Variants in GRK7 observed in about 807,000 individuals in gnomAD.
GRK7 encodes rhodopsin kinase GRK7.
A neutral mutation model predicts 34.1 loss-of-function variants in GRK7; 24 were observed. That is an observed-to-expected ratio of 0.70 (90% CI 0.51 to 0.99). The LOEUF (loss-of-function observed/expected upper bound fraction) is 0.99. Among genes scored for constraint, GRK7 ranks in the 50% least tolerant of loss-of-function variants. The pLI, the probability that GRK7 is intolerant of heterozygous loss-of-function variation, is 0.00. For missense variants in GRK7, 644 were observed against 707.3 expected (o/e 0.91, Z 1.02); for synonymous variants, 256 against 279.4 (o/e 0.92, Z 0.84).
chr3:141,805,463 G>T (rs1226984367), intron 4 of GRK7, among the ~76,000 whole-genome samples: 1 of 152,184 alleles, frequency 6.6e-6, no homozygotes, highest in Admixed American at 6.5e-5. Flanking sequence ...GGACCCTTTT[G>T]TCTGGACAAA....
rs1230127911 is a variant in GRK7 at position 141,817,015 on chromosome 3, A to G, written c.1627A>G (p.Asn543Asp). The G allele has an allele frequency of 1.2e-6, 2 of 1,610,716 alleles. No individual in the cohort carries two copies. The highest frequency in any genetic ancestry group is 1.1e-5 in the South Asian group (1 of 90,522). ...CAGACCTACGGGTTGTGAGGAGGGTAATTCATCCAAGTCTGGCGTGTGTTT... is the reference window on the plus strand; with the variant it reads ...CAGACCTACGGGTTGTGAGGAGGGTGATTCATCCAAGTCTGGCGTGTGTTT... ...PNRPTGCEEG[N>D]SSKSGVCLLL is the part of the protein sequence containing the mutation. Residue 543 changes from asparagine to aspartate, a missense_variant, in exon 6 of 6, where the codon AAT (asparagine) becomes GAT (aspartate). Coordinates refer to ENST00000682958, the MANE Select transcript of GRK7 (RefSeq NM_139209.3).
At position 141,778,944 on chromosome 3, in the gene GRK7, A is replaced by G. The variant is rs1466331726; in HGVS notation, c.612+48A>G. 1 of 1,523,918 alleles carries G rather than the reference A, an allele frequency of 6.6e-7. No individual in the cohort carries two copies. The highest frequency in any genetic ancestry group is 1.4e-5 in the African/African-American group (1 of 71,846). 94.4% of individuals were successfully genotyped at this position (1,523,918 alleles called of 1,614,324 possible). On this transcript the variant is annotated intron_variant, in intron 3 of 5. Transcript: ENST00000682958. This position sits in a 1 kb window ranked among gnomAD's most constrained non-coding sequence, Gnocchi z 4.1. Reference sequence around the variant, plus strand: ...GCTAGAAGGTGAAGCATAGAGCATGAAAGGGGGTAATGTTGCCTTTCTTTT... The same window carrying G: ...GCTAGAAGGTGAAGCATAGAGCATGGAAGGGGGTAATGTTGCCTTTCTTTT...
chr3:141,790,538 C>T (rs1351236025), intron 4 of GRK7, among the ~76,000 whole-genome samples: 1 of 150,860 alleles, frequency 6.6e-6, no homozygotes, highest in East Asian at 1.9e-4. Flanking sequence ...CACAATTAAA[C>T]ATGTTCCAGC....
intron 4 of GRK7, among the ~76,000 whole-genome samples, chr3:141,791,936 G>A (rs757801019): frequency 2.8e-4 from 42 of 151,014 alleles, no homozygotes; most frequent in Admixed American, 5.3e-4. Flanking sequence ...CCCGGGAGGC[G>A]GAGGTTGTAG....
chr3:141,795,078 G>A (rs1222715098), intron 4 of GRK7, among the ~76,000 whole-genome samples: 1 of 152,148 alleles, frequency 6.6e-6, no homozygotes, highest in South Asian at 2.1e-4. Flanking sequence ...CCAACATGAG[G>A]ACCTGGAGTC....
At chr3:141,786,043 A>AAGAACAAC (rs1327927861) in intron 4 of GRK7, among the ~76,000 whole-genome samples, 1 of 152,192 alleles carries the variant, frequency 6.6e-6, no homozygotes, top group African/African-American at 2.4e-5. Context: ...AAGAGGAGAA[A>AAGAACAAC]AGAACAACAT....
intron 4 of GRK7, among the ~76,000 whole-genome samples, chr3:141,782,862 G>A (rs1455594968): frequency 6.6e-6 from 1 of 151,916 alleles, no homozygotes; most frequent in Non-Finnish European, 1.5e-5. Flanking sequence ...ATAGTCATAG[G>A]AGCTGTATCA....
rs895777901 is a variant in GRK7 at position 141,817,592 on chromosome 3, G to C, written c.*542G>C. On this transcript the variant is annotated 3_prime_UTR_variant, in exon 6 of 6. Coordinates refer to ENST00000682958, the MANE Select transcript of GRK7 (RefSeq NM_139209.3). ...AATCACAGAATAATTTTCAATTTCA[G>C]TGACAGTTTCTTTTGCAATTTTGTG... is the stretch of plus-strand genomic sequence containing the variant. The C allele has an allele frequency of 2.0e-5, 3 of 152,208 alleles. No homozygotes were observed. Among genetic ancestry groups the C allele is most frequent in the African/African-American group, 4.8e-5 (2 of 41,452 alleles). The allele number at this position is 152,208 out of a possible 1,614,324, so 9.4% of individuals were successfully genotyped here.
At chr3:141,767,808 A>G (rs1396171068) in intron 1 of GRK7, among the ~76,000 whole-genome samples, 1 of 152,160 alleles carries the variant, frequency 6.6e-6, no homozygotes, top group Admixed American at 6.5e-5. Flanking sequence ...AAGCTTCTCT[A>G]TGCCACAGGG....
At chr3:141,804,427 A>G (rs1340267772) in intron 4 of GRK7, among the ~76,000 whole-genome samples, 1 of 152,160 alleles carries the variant, frequency 6.6e-6, no homozygotes, top group Non-Finnish European at 1.5e-5. Context: ...TCAATACCTT[A>G]CACTTTTTCT....
Position 141,809,730 on chromosome 3 carries a change from G to A in GRK7, c.1325+1811G>A, listed in dbSNP as rs138090294. On this transcript the variant is annotated intron_variant, in intron 5 of 5. Transcript: ENST00000682958. The stretch of plus-strand genomic sequence containing the variant: ...AAGATACTATAGAAGAAAAAAAGAC[G>A]TAAAAGTTGGCCTGTGAAAAGACCC... 5.2e-3 allele frequency among the ~76,000 whole-genome samples: 795 copies of A among 152,172 alleles called. 1 individual carries two copies. The highest frequency in any genetic ancestry group is 8.9e-3 in the Non-Finnish European group (607 of 68,000).
upstream of GRK7, among the ~76,000 whole-genome samples, chr3:141,762,649 G>C (rs1362769983): frequency 1.3e-5 from 2 of 151,866 alleles, no homozygotes; most frequent in African/African-American, 4.8e-5. Context: ...CCACCCAGTT[G>C]GAGCTTCCCG....
At chr3:141,783,960 T>C (rs945287746) in intron 4 of GRK7, among the ~76,000 whole-genome samples, 1 of 152,172 alleles carries the variant, frequency 6.6e-6, no homozygotes, top group Non-Finnish European at 1.5e-5. Context: ...TGGAGAAAAC[T>C]GAAGTGCAGC....
upstream of GRK7, among the ~76,000 whole-genome samples, chr3:141,763,045 G>T (rs1405248619): frequency 6.6e-6 from 1 of 152,226 alleles, no homozygotes; most frequent in Non-Finnish European, 1.5e-5. Flanking sequence ...CTAGTGAGAT[G>T]AACCCAGTAC....
At chr3:141,789,850 G>C (rs1455060258) in intron 4 of GRK7, among the ~76,000 whole-genome samples, 3 of 152,098 alleles carry the variant, frequency 2.0e-5, no homozygotes, top group African/African-American at 7.2e-5. Flanking sequence ...GTTAGGTACT[G>C]TTCTGAGCTC....
chr3:141,782,175 G>A lies in GRK7; in HGVS notation c.1050+1364G>A, dbSNP rs147785923. On this transcript the variant is annotated intron_variant, in intron 4 of 5. Coordinates refer to ENST00000682958, the MANE Select transcript of GRK7 (RefSeq NM_139209.3). The stretch of plus-strand genomic sequence containing the variant: ...ATTTCTGTCTTAAAAAGACCAATGC[G>A]GCAACAATTTGGAAGTTAGATGGTA... Among the ~76,000 whole-genome samples the A allele has an allele frequency of 7.4e-4, 113 of 152,264 alleles. 4 individuals are homozygous for A. The South Asian group carries it at 0.022, about 29-fold the overall frequency.
chr3:141,751,642 A>C, the GRK7 span, among the ~76,000 whole-genome samples: 1 of 152,222 alleles, frequency 6.6e-6, no homozygotes, highest in African/African-American at 2.4e-5. Context: ...AGACCCTATT[A>C]AGGAAGAAAA....
chr3:141,780,695 A>C lies in GRK7; in HGVS notation c.934A>C (p.Ile312Leu), dbSNP rs1479093471. 1.9e-5 allele frequency: 30 copies of C among 1,614,220 alleles called. No individual in the cohort carries two copies. The highest frequency in any genetic ancestry group is 2.5e-5 in the Non-Finnish European group (30 of 1,180,036). The stretch of plus-strand genomic sequence containing the variant: ...GATGCTGCACCTCCATGAACTCGGC[A>C]TCGTCTATCGGGACATGAAGCCTGA... ...CGMLHLHELG[I>L]VYRDMKPENV... The change falls in exon 4 of 6, where the codon ATC (isoleucine) becomes CTC (leucine). Residue 312 changes from isoleucine to leucine, a missense_variant. Physicochemically the swap from Ile to Leu is conservative, Grantham distance 5. Coordinates refer to ENST00000682958, the MANE Select transcript of GRK7 (RefSeq NM_139209.3).
chr3:141,762,846 C>G (rs969022480), upstream of GRK7, among the ~76,000 whole-genome samples: 1 of 152,228 alleles, frequency 6.6e-6, no homozygotes, highest in Non-Finnish European at 1.5e-5. Flanking sequence ...GTTCTTTAAG[C>G]CGGTCTGAAA....
Sources: allele counts gnomAD v4.1 joint callset (sites outside exome capture counted in the v4.1 genomes callset), GRCh38; gene constraint gnomAD v4.1.1; non-coding constraint Gnocchi (gnomAD v3.1); transcripts MANE v1.5; gene names NCBI Gene and HGNC (gene_info 2026-07-23, HGNC 2026-07-21).